RAB38: variants seen among roughly 807,000 people sequenced by gnomAD.
The protein encoded by RAB38 is ras-related protein Rab-38.
A neutral mutation model predicts 18.4 loss-of-function variants in RAB38; 15 were observed. That is an observed-to-expected ratio of 0.82 (90% CI 0.55 to 1.26). The LOEUF (loss-of-function observed/expected upper bound fraction) is 1.26, where lower values mean the gene tolerates loss of function less well. Among genes scored for constraint, RAB38 ranks in the 50% most tolerant of loss-of-function variants. The pLI is 0.00. For missense variants in RAB38, 294 were observed against 267.4 expected (o/e 1.10, Z -0.69); for synonymous variants, 101 against 104.4 (o/e 0.97, Z 0.20).
At chr11:87,825,929 A>C in the RAB38 span, among the ~76,000 whole-genome samples, 1 of 152,136 alleles carries the variant, frequency 6.6e-6, no homozygotes, top group Non-Finnish European at 1.5e-5. Flanking sequence ...TTTAGCTATA[A>C]ATTATATTTA....
the RAB38 span, among the ~76,000 whole-genome samples, chr11:87,866,376 C>T: frequency 1.3e-5 from 2 of 151,688 alleles, no homozygotes; most frequent in Admixed American, 6.6e-5. Context: ...GAGACTCTTC[C>T]GGTACCATTG....
the RAB38 span, among the ~76,000 whole-genome samples, chr11:88,054,488 C>T: frequency 2.0e-5 from 3 of 152,200 alleles, no homozygotes; most frequent in South Asian, 2.1e-4. Context: ...CCTGGGAATG[C>T]GCCCAACATG....
the RAB38 span, among the ~76,000 whole-genome samples, chr11:88,088,396 G>A: frequency 1.3e-5 from 2 of 151,862 alleles, no homozygotes; most frequent in African/African-American, 4.8e-5. Context: ...AATTAGTGAT[G>A]ACCTGAAGTT....
the RAB38 span, among the ~76,000 whole-genome samples, chr11:87,908,814 G>T: frequency 1.3e-5 from 2 of 152,034 alleles, no homozygotes; most frequent in South Asian, 4.1e-4. Context: ...CCTGTATTCG[G>T]TCACAACATA....
the RAB38 span, among the ~76,000 whole-genome samples, chr11:87,856,872 TA>T: frequency 6.6e-6 from 1 of 151,088 alleles, no homozygotes; most frequent in African/African-American, 2.4e-5. Flanking sequence ...TTCTTTTTTT[TA>T]AAAATTATAC....
At chr11:87,939,133 C>A in the RAB38 span, among the ~76,000 whole-genome samples, 2 of 152,030 alleles carry the variant, frequency 1.3e-5, no homozygotes, top group Non-Finnish European at 2.9e-5. Flanking sequence ...GTATTTCTTT[C>A]AGGAACTCCC....
the RAB38 span, among the ~76,000 whole-genome samples, chr11:88,064,016 C>G: frequency 1.3e-5 from 2 of 152,180 alleles, no homozygotes; most frequent in African/African-American, 4.8e-5. Flanking sequence ...TCCAGTTATT[C>G]TGGGCGTGTT....
At chr11:87,882,850 G>C in the RAB38 span, among the ~76,000 whole-genome samples, 2 of 151,736 alleles carry the variant, frequency 1.3e-5, no homozygotes, top group Non-Finnish European at 2.9e-5. Flanking sequence ...CATGGTCTTT[G>C]TGAGCTTTCT....
At chr11:87,831,565 C>G in the RAB38 span, among the ~76,000 whole-genome samples, 1 of 152,124 alleles carries the variant, frequency 6.6e-6, no homozygotes, top group Non-Finnish European at 1.5e-5. Context: ...CCAAAGGTAA[C>G]AGTGAGTTGT....
At chr11:88,037,104 T>C in the RAB38 span, among the ~76,000 whole-genome samples, 1 of 152,070 alleles carries the variant, frequency 6.6e-6, no homozygotes, top group Non-Finnish European at 1.5e-5. Flanking sequence ...GTTTGAGTGA[T>C]TTTTGAGCAG....
chr11:87,967,744 C>T, the RAB38 span, among the ~76,000 whole-genome samples: 1 of 152,182 alleles, frequency 6.6e-6, no homozygotes, highest in African/African-American at 2.4e-5. Flanking sequence ...CACTGGAAAG[C>T]TAAGAAGGAA....
the RAB38 span, among the ~76,000 whole-genome samples, chr11:87,951,029 GACAT>G: frequency 6.6e-6 from 1 of 152,178 alleles, no homozygotes. Context: ...ACACCAATCA[GACAT>G]AGAGTTGGTC....
the RAB38 span, among the ~76,000 whole-genome samples, chr11:87,938,402 C>G: frequency 6.6e-6 from 1 of 151,994 alleles, no homozygotes; most frequent in African/African-American, 2.4e-5. Flanking sequence ...GTGGGATGAA[C>G]GTCTTAGCTT....
intron 2 of RAB38, among the ~76,000 whole-genome samples, chr11:88,148,948 A>AT (rs1206363354): frequency 7.6e-4 from 115 of 151,614 alleles, no homozygotes; most frequent in Non-Finnish European, 8.8e-5. Flanking sequence ...TGATACTGAG[A>AT]TTTTTTAAAT....
Position 88,175,135 on chromosome 11 carries a change from C to A in RAB38, c.202+48G>T, listed in dbSNP as rs1426305989. The stretch of plus-strand genomic sequence containing the variant: ...CAAGCCGCTGCCTCGAGACTGGAAA[C>A]CGGCCGCGAGGCGCTCTATCCCCCT... On this transcript the variant is annotated intron_variant, in intron 1 of 2. Transcript: ENST00000243662. 4.0e-6 allele frequency: 6 copies of A among 1,501,718 alleles called. No individual in the cohort carries two copies. The African/African-American group carries it at 5.5e-5, about 14-fold the overall frequency. 93.0% of individuals were successfully genotyped at this position (1,501,718 alleles called of 1,614,324 possible).
chr11:87,968,956 AT>A, the RAB38 span, among the ~76,000 whole-genome samples: 1 of 152,098 alleles, frequency 6.6e-6, no homozygotes, highest in Non-Finnish European at 1.5e-5. Flanking sequence ...TACAATGCAC[AT>A]TATTTGGGTG....
chr11:87,885,187 AGGTGT>A, the RAB38 span, among the ~76,000 whole-genome samples: 2 of 151,984 alleles, frequency 1.3e-5, no homozygotes, highest in African/African-American at 4.8e-5. Context: ...TGGGTGTGTC[AGGTGT>A]GATCCTTAGT....
At chr11:88,154,456 C>G (rs1943101346) in intron 1 of RAB38, among the ~76,000 whole-genome samples, 1 of 152,166 alleles carries the variant, frequency 6.6e-6, no homozygotes, top group South Asian at 2.1e-4. Context: ...ATACTTGTAG[C>G]TAGGGCCAGC....
chr11:88,084,646 TCTGA>T, the RAB38 span, among the ~76,000 whole-genome samples: 2 of 151,882 alleles, frequency 1.3e-5, no homozygotes, highest in Admixed American at 6.6e-5. Flanking sequence ...TGGATCCTTC[TCTGA>T]CTCTTTTTCT....
Sources: allele counts gnomAD v4.1 joint callset (sites outside exome capture counted in the v4.1 genomes callset), GRCh38; gene constraint gnomAD v4.1.1; transcripts MANE v1.5; gene names NCBI Gene and HGNC (gene_info 2026-07-23, HGNC 2026-07-21).